Variants in GGA2 observed in about 807,000 individuals in gnomAD.
GGA2 encodes golgi associated, gamma adaptin ear containing, ARF binding protein 2.
In GGA2, 48 loss-of-function variants were observed where a neutral mutation model predicts 79.5. The ratio of observed to expected loss-of-function variants is 0.60; its 90% confidence interval spans 0.48 to 0.77. The LOEUF (loss-of-function observed/expected upper bound fraction) is 0.77, where lower values mean the gene tolerates loss of function less well. GGA2 is among the 30% of genes least tolerant of loss of function. GGA2 has a pLI of 0.00. For synonymous variants in GGA2, 317 were observed against 302.0 expected (o/e 1.05, Z -0.51); for missense variants, 770 against 774.0 (o/e 0.99, Z 0.06).
In GGA2 at chr16:23,465,560, C is replaced by T. The variant is rs754469385; in HGVS notation, c.*2030G>A. On this transcript the variant is annotated 3_prime_UTR_variant, in exon 17 of 17. Coordinates refer to ENST00000309859, the MANE Select transcript of GGA2 (RefSeq NM_015044.4). Reference sequence around the variant, plus strand: ...GTCTTTATGTATAAGTCTCATTCACCCATTTTGACCAAAACCCTTCAGAGG... The same window carrying T: ...GTCTTTATGTATAAGTCTCATTCACTCATTTTGACCAAAACCCTTCAGAGG... 17 of 618,104 alleles carry T rather than the reference C, an allele frequency of 2.8e-5. No individual in the cohort carries two copies. Among genetic ancestry groups the T allele is most frequent in the African/African-American group, 5.5e-5 (3 of 54,626 alleles). 38.3% of individuals were successfully genotyped at this position (618,104 alleles called of 1,614,324 possible).
chr16:23,495,565 G>C (rs2142134952), intron 2 of GGA2, 129 bp downstream of exon 2: 2 of 473,932 alleles, frequency 4.2e-6, no homozygotes, highest in Non-Finnish European at 7.6e-6. Context: ...CCAAACTGTT[G>C]GGATTATAGG....
At chr16:23,500,579 C>T (rs1489030204) in intron 1 of GGA2, among the ~76,000 whole-genome samples, 1 of 151,642 alleles carries the variant, frequency 6.6e-6, no homozygotes, top group Non-Finnish European at 1.5e-5. Flanking sequence ...TATGAGGCAG[C>T]GTCAAGCAAA....
At chr16:23,476,165 C>T (rs1964574805) in intron 13 of GGA2, among the ~76,000 whole-genome samples, 1 of 152,090 alleles carries the variant, frequency 6.6e-6, no homozygotes, top group African/African-American at 2.4e-5. Flanking sequence ...TCATTTGGGA[C>T]ACAAACTGAA....
At position 23,519,330 on chromosome 16, in the gene GGA2, G is replaced by A. The variant is rs138936173; in HGVS notation, c.61+257C>T. ...TGTGCTGGGATTACATGCATGAGCC[G>A]CCGTGCCCAGCCCTGGAAAAGATAC... On this transcript the variant is annotated intron_variant, in intron 2 of 5. Transcript: ENST00000569300. Among the ~76,000 whole-genome samples, 11 of 152,210 alleles carry A rather than the reference G, an allele frequency of 7.2e-5. No homozygotes were observed. In the East Asian group the frequency reaches 9.6e-4, roughly 13 times the overall value.
intron 2 of GGA2, among the ~76,000 whole-genome samples, chr16:23,518,114 T>C (rs1049742323): frequency 2.6e-5 from 4 of 151,698 alleles, no homozygotes; most frequent in Admixed American, 2.0e-4. Flanking sequence ...CATTTCACCA[T>C]GTTGGTCAGG....
intron 14 of GGA2, among the ~76,000 whole-genome samples, chr16:23,470,616 A>AGCTGG (rs1384928264): frequency 6.6e-6 from 1 of 152,002 alleles, no homozygotes; most frequent in African/African-American, 2.4e-5. Flanking sequence ...TACAAAAATT[A>AGCTGG]GCTGGGCATG....
At chr16:23,482,166 A>T (rs767948026) in intron 9 of GGA2, among the ~76,000 whole-genome samples, 7 of 152,214 alleles carry the variant, frequency 4.6e-5, no homozygotes, top group Non-Finnish European at 1.0e-4. Flanking sequence ...TGGGAGGCTG[A>T]GGAAGGAGAA....
chr16:23,486,654 G>T, intron 7 of GGA2, 56 bp downstream of exon 7: 1 of 989,796 alleles, frequency 1.0e-6, no homozygotes, highest in Non-Finnish European at 1.6e-6. Flanking sequence ...CATATGCACT[G>T]TCCTTCAGCC....
At chr16:23,477,722 G>A (rs1394623760) in intron 13 of GGA2, among the ~76,000 whole-genome samples, 4 of 152,134 alleles carry the variant, frequency 2.6e-5, no homozygotes, top group Admixed American at 2.0e-4. Flanking sequence ...ACTCCACCCA[G>A]GGCGACAGAG....
intron 1 of GGA2, among the ~76,000 whole-genome samples, chr16:23,504,285 T>C (rs1964951296): frequency 6.6e-6 from 1 of 152,180 alleles, no homozygotes; most frequent in South Asian, 2.1e-4. Context: ...ACTCTTGCGG[T>C]GAGGTCTTCA....
chr16:23,492,356 C>T (rs1407858484), intron 4 of GGA2, among the ~76,000 whole-genome samples: 9 of 152,064 alleles, frequency 5.9e-5, no homozygotes, highest in Non-Finnish European at 1.2e-4. Flanking sequence ...GGTGGTGGGG[C>T]GGGCAGGGGG....
At chr16:23,475,501 T>C (rs1964566156) in intron 13 of GGA2, among the ~76,000 whole-genome samples, 1 of 151,998 alleles carries the variant, frequency 6.6e-6, no homozygotes, top group South Asian at 2.1e-4. Flanking sequence ...TATATGACTT[T>C]TGTCAAGTAA....
chr16:23,480,133 T>C, intron 10 of GGA2: 1 of 480,176 alleles, frequency 2.1e-6, no homozygotes. Flanking sequence ...ATCCCATCAC[T>C]CTGGAGGAAA....
chr16:23,486,734 C>T lies in GGA2; in HGVS notation c.636G>A (p.Arg212=), dbSNP rs946774538. ...CCTCCTTGACCAAATTCTTGATTAA[C>T]CGGTTTGCAGCCTGAAGGTCCTCGG... ...NHPEDLQAAN[R]LIKNLVKEEQ... Residue 212 remains arginine (R), a synonymous_variant, in exon 7 of 17, where the codon CGG becomes CGA. Coordinates refer to ENST00000309859, the MANE Select transcript of GGA2 (RefSeq NM_015044.4). 2 of 1,610,048 alleles carry T rather than the reference C, an allele frequency of 1.2e-6. No individual in the cohort carries two copies. The highest frequency in any genetic ancestry group is 2.2e-5 in the South Asian group (2 of 90,994).
chr16:23,510,572 C>A (rs921269568), upstream of GGA2: 4 of 387,780 alleles, frequency 1.0e-5, no homozygotes, highest in African/African-American at 8.3e-5. Context: ...CCACGCGGGA[C>A]CGGCCGGAAC....
chr16:23,502,533 A>C (rs1251717754), intron 1 of GGA2, among the ~76,000 whole-genome samples: 2 of 152,346 alleles, frequency 1.3e-5, no homozygotes, highest in South Asian at 4.1e-4. Context: ...AATTGTCAAC[A>C]AAAGCCTCTT....
intron 8 of GGA2, among the ~76,000 whole-genome samples, chr16:23,483,532 G>A (rs1394824983): frequency 6.6e-6 from 1 of 152,222 alleles, no homozygotes; most frequent in Non-Finnish European, 1.5e-5. Context: ...TGCAGAGGGA[G>A]ATGGCTGAAA....
At position 23,478,656 on chromosome 16, in the gene GGA2, C is replaced by T. The variant is rs1369321615; in HGVS notation, c.1159-155G>A. 3 of 789,192 alleles carry T rather than the reference C, an allele frequency of 3.8e-6. No individual in the cohort carries two copies. The Admixed American group carries it at 5.8e-5, about 15-fold the overall frequency. 48.9% of individuals were successfully genotyped at this position (789,192 alleles called of 1,614,324 possible). On this transcript the variant is annotated intron_variant, in intron 12 of 16. Coordinates refer to ENST00000309859, the MANE Select transcript of GGA2 (RefSeq NM_015044.4). ...AGAGGGGAAAGAAAGGGCAAGATCA[C>T]ATGCAGCTCCTGGGCAGACCTCCAG...
chr16:23,484,758 T>C (rs1011699063), intron 8 of GGA2, among the ~76,000 whole-genome samples: 1 of 152,254 alleles, frequency 6.6e-6, no homozygotes, highest in Non-Finnish European at 1.5e-5. Context: ...AATACATTGC[T>C]GCTGGGAATG....
Sources: allele counts gnomAD v4.1 joint callset (sites outside exome capture counted in the v4.1 genomes callset), GRCh38; gene constraint gnomAD v4.1.1; transcripts MANE v1.5; gene names NCBI Gene and HGNC (gene_info 2026-07-23, HGNC 2026-07-21).